GAS6: variants seen among roughly 807,000 people sequenced by gnomAD.
The protein encoded by GAS6 is growth arrest-specific protein 6.
GAS6 carries 41 observed loss-of-function variants against 75.8 expected under a neutral mutation model. That is an observed-to-expected ratio of 0.54 (90% CI 0.42 to 0.70). The LOEUF is 0.70. Ranked by LOEUF, GAS6 falls within the 30% of genes least tolerant of loss-of-function variation. The pLI is 0.00. For synonymous variants in GAS6, 432 were observed against 412.6 expected, an observed-to-expected ratio of 1.05 and a Z score of -0.57; for missense variants, 854 against 940.2, an observed-to-expected ratio of 0.91 and a Z score of 1.20.
chr13:113,822,315 G>T (rs1180140979), intron 13 of GAS6, 129 bp from the exon 14 acceptor site: 18 of 682,086 alleles, frequency 2.6e-5, no homozygotes, highest in Non-Finnish European at 3.7e-5. Context: ...GTTCCCTGCA[G>T]CCCTGGGTCT....
chr13:113,832,363 C>A lies in GAS6; in HGVS notation c.1079G>T (p.Arg360Leu). 3.7e-6 allele frequency: 6 copies of A among 1,608,804 alleles called. No homozygotes were observed. Among genetic ancestry groups the A allele is most frequent in the African/African-American group, 1.3e-5 (1 of 75,058 alleles). The change falls in exon 10 of 15, where the codon CGC becomes CTC. Residue 360 changes from arginine to leucine, a missense_variant. Arg to Leu is a moderately radical substitution (Grantham distance 102). Transcript: ENST00000327773. ...GGTGACACGGCCGACACCGTTGTAG[C>A]GCAGCTGCAGCTCCAGCCGGCCGGC... ...LRAGRLELQL[R>L]YNGVGRVTSS...
intron 11 of GAS6, 122 bp from the exon 12 acceptor site, chr13:113,827,286 A>G: frequency 1.1e-6 from 1 of 936,636 alleles, no homozygotes; most frequent in Non-Finnish European, 1.6e-6. Flanking sequence ...GAAACGGGCC[A>G]GTCCCATCGG....
At chr13:113,828,042 G>A (rs1396887256) in intron 11 of GAS6, among the ~76,000 whole-genome samples, 3 of 152,188 alleles carry the variant, frequency 2.0e-5, no homozygotes, top group Non-Finnish European at 4.4e-5. Flanking sequence ...TTGGGAGGCC[G>A]AGGTGGGCAG....
In GAS6 at chr13:113,832,628, C is replaced by A; in HGVS notation, c.953+6G>T. ...GTTGTGTTGCCTCCTGTGGACACCT[C>A]CTCACCTGGTGGGCTGCAGCCTCTT... On this transcript the variant is annotated splice_donor_region_variant and intron_variant, in intron 9 of 14. Coordinates refer to ENST00000327773, the MANE Select transcript of GAS6 (RefSeq NM_000820.4). 1 of 1,612,732 alleles carries A rather than the reference C, an allele frequency of 6.2e-7. No homozygotes were observed. The highest frequency in any genetic ancestry group is 8.5e-7 in the Non-Finnish European group (1 of 1,179,952).
At position 113,828,160 on chromosome 13, in the gene GAS6, AG is replaced by A. The variant is rs1462509280; in HGVS notation, c.1308+386del. On this transcript the variant is annotated intron_variant, in intron 11 of 14. Transcript: ENST00000327773. ...GCGCCTGTAGTCCCAGCTGCCTGGG[AG>A]GCTGAGGCAGGAGAATGGCGTGAAC... Among the ~76,000 whole-genome samples, 4 of 152,210 alleles carry A rather than the reference AG, an allele frequency of 2.6e-5. No homozygotes were observed. The East Asian group carries it at 7.8e-4, about 30-fold the overall frequency.
rs950179601 is a variant in GAS6 at position 113,863,369 on chromosome 13, C to T, written c.255+206G>A. Among the ~76,000 whole-genome samples the T allele has an allele frequency of 6.6e-6, 1 of 152,158 alleles. No homozygotes were observed. Among genetic ancestry groups the T allele is most frequent in the Non-Finnish European group, 1.5e-5 (1 of 68,008 alleles). On this transcript the variant is annotated intron_variant, in intron 2 of 14. Coordinates refer to ENST00000327773, the MANE Select transcript of GAS6 (RefSeq NM_000820.4). This position sits in a 1 kb window ranked among gnomAD's most constrained non-coding sequence, Gnocchi z 9.4. Reference sequence around the variant, plus strand: ...GACAGCGAGCGTTTCCCGGACAGCCCCGCAGCGTCTCACCGGCCTGCGCGG... The same window carrying T: ...GACAGCGAGCGTTTCCCGGACAGCCTCGCAGCGTCTCACCGGCCTGCGCGG...
intron 2 of GAS6, among the ~76,000 whole-genome samples, chr13:113,853,617 G>A (rs1002480908): frequency 1.3e-5 from 2 of 152,214 alleles, no homozygotes; most frequent in African/African-American, 4.8e-5. Flanking sequence ...GCTGAGCACA[G>A]GGACTCTGTT....
chr13:113,824,926 T>C (rs114405639), intron 12 of GAS6, among the ~76,000 whole-genome samples: 1,683 of 152,248 alleles, frequency 0.011, 25 homozygotes, highest in African/African-American at 0.039. Context: ...TTCTTTAAAA[T>C]GGAAGCTCCC....
At position 113,835,607 on chromosome 13, in the gene GAS6, G is replaced by A; in HGVS notation, c.618C>T (p.Ala206=). Residue 206 remains alanine (A), a synonymous_variant, in exon 7 of 15, where the codon GCC becomes GCT. Transcript: ENST00000327773. The part of the protein sequence containing the change: ...QDIDECADSE[A]CGEARCKNLP... ...GGTTCTTGCAGCGCGCCTCCCCGCA[G>A]GCCTCCGAGTCTGCGCACTCGTCTA... 1.2e-6 allele frequency: 2 copies of A among 1,612,336 alleles called. No individual in the cohort carries two copies. Among genetic ancestry groups the A allele is most frequent in the Non-Finnish European group, 1.7e-6 (2 of 1,179,864 alleles).
chr13:113,828,060 G>A (rs1214589942), intron 11 of GAS6, among the ~76,000 whole-genome samples: 1 of 152,180 alleles, frequency 6.6e-6, no homozygotes, highest in East Asian at 1.9e-4. Flanking sequence ...CAGTTCACGA[G>A]GTCAGAAGAT....
chr13:113,822,091 G>A lies in GAS6; in HGVS notation c.1749C>T (p.Asp583=), dbSNP rs372042104. The A allele has an allele frequency of 5.0e-6, 8 of 1,597,836 alleles. No individual in the cohort carries two copies. Among genetic ancestry groups the A allele is most frequent in the Non-Finnish European group, 5.1e-6 (6 of 1,174,216 alleles). The part of the protein sequence containing the change: ...QEHVVTVSLR[D]GEATLEVDGT... ...CGTCCACCTCCAGGGTGGCCTCACC[G>A]TCCCTCAGCGAGACGGTGACCACGT... is the stretch of plus-strand genomic sequence containing the variant. Residue 583 remains aspartate, a synonymous_variant, in exon 14 of 15, where the codon GAC becomes GAT. Transcript: ENST00000327773.
rs1014111224 is a variant in GAS6 at position 113,837,671 on chromosome 13, A to G, written c.589+398T>C. 1.3e-5 allele frequency among the ~76,000 whole-genome samples: 2 copies of G among 152,072 alleles called. No homozygotes were observed. Among genetic ancestry groups the G allele is most frequent in the African/African-American group, 4.8e-5 (2 of 41,408 alleles). ...TTTAGTGGACAGAGGGAGACCAACA[A>G]CGGGGTGCTTCTGGGGATGCTGGGG... On this transcript the variant is annotated intron_variant, in intron 6 of 14. Transcript: ENST00000327773. This position sits in a 1 kb window ranked among gnomAD's most constrained non-coding sequence, Gnocchi z 5.1.
At chr13:113,854,397 T>C (rs891266181) in intron 2 of GAS6, among the ~76,000 whole-genome samples, 1 of 152,114 alleles carries the variant, frequency 6.6e-6, no homozygotes, top group Non-Finnish European at 1.5e-5. Flanking sequence ...TGCACGGCGG[T>C]AACGCCGAGA....
chr13:113,821,072 C>A lies in GAS6; in HGVS notation c.1883-54G>T, dbSNP rs2051450659. The A allele has an allele frequency of 5.1e-6, 8 of 1,579,858 alleles. 1 individual carries two copies. In the South Asian group the frequency reaches 6.7e-5, roughly 13 times the overall value. ...TTAGCTCACCACGTGGCCGGCCCCG[C>A]CTGGCCCCCCCACCCCCGGCAGCGC... On this transcript the variant is annotated intron_variant, in intron 14 of 14. Transcript: ENST00000327773.
At position 113,835,163 on chromosome 13, in the gene GAS6, C is replaced by G. The variant is rs112046888; in HGVS notation, c.712+350G>C. Among the ~76,000 whole-genome samples, 21 of 152,382 alleles carry G rather than the reference C, an allele frequency of 1.4e-4. 1 individual carries two copies. Among genetic ancestry groups the G allele is most frequent in the African/African-American group, 4.8e-4 (20 of 41,594 alleles). Reference sequence around the variant, plus strand: ...GGCTCTACGGCCAACAGGGCCCTCCCCATGGCGGCTGGAAAGAGAGAACAG... The same window carrying G: ...GGCTCTACGGCCAACAGGGCCCTCCGCATGGCGGCTGGAAAGAGAGAACAG... On this transcript the variant is annotated intron_variant, in intron 7 of 14. Transcript: ENST00000327773.
chr13:113,855,460 G>A (rs2051907004), intron 2 of GAS6, among the ~76,000 whole-genome samples: 1 of 152,170 alleles, frequency 6.6e-6, no homozygotes, highest in Admixed American at 6.5e-5. Flanking sequence ...GTGTGTTCCC[G>A]GCTTACAAAT....
chr13:113,849,531 C>T (rs998709487), intron 2 of GAS6, among the ~76,000 whole-genome samples: 2 of 152,150 alleles, frequency 1.3e-5, no homozygotes, highest in Non-Finnish European at 1.5e-5. Flanking sequence ...AAAAGGTGTC[C>T]TTTCAGGTTT....
At position 113,863,717 on chromosome 13, in the gene GAS6, G is replaced by T; in HGVS notation, c.113C>A (p.Ala38Asp). 6.7e-7 allele frequency: 1 copy of T among 1,502,028 alleles called. No individual in the cohort carries two copies. Among genetic ancestry groups the T allele is most frequent in the South Asian group, 1.2e-5 (1 of 80,268 alleles). 93.0% of individuals were successfully genotyped at this position (1,502,028 alleles called of 1,614,324 possible). A position where few individuals can be genotyped will look rare whatever the true frequency, so the allele number is the denominator to read the frequency against. The change falls in exon 2 of 15, where the codon GCC becomes GAC. Residue 38 changes from alanine to aspartate, a missense_variant. By Grantham distance (126) the Ala-to-Asp change is moderately radical. Coordinates refer to ENST00000327773, the MANE Select transcript of GAS6 (RefSeq NM_000820.4). The surrounding 1 kb of genome is among the most constrained non-coding windows in gnomAD (Gnocchi z 9.4). Reference protein sequence around the residue: ...ALAALLPAREATQFLRPRQRR... With the variant: ...ALAALLPAREDTQFLRPRQRR... Reference sequence around the variant, plus strand: ...CTGCCTGGGCCGCAGGAACTGCGTGGCCTCGCGCGCCGGCAACAGCGCGGC... The same window carrying T: ...CTGCCTGGGCCGCAGGAACTGCGTGTCCTCGCGCGCCGGCAACAGCGCGGC...
In GAS6 at chr13:113,820,847, C is replaced by G; in HGVS notation, c.*17G>C. 6.2e-7 allele frequency: 1 copy of G among 1,605,378 alleles called. No individual in the cohort carries two copies. Among genetic ancestry groups the G allele is most frequent in the South Asian group, 1.1e-5 (1 of 90,850 alleles). The stretch of plus-strand genomic sequence containing the variant: ...TCTCGGACAGAGACTGAGAAGCCTG[C>G]CGCGTCCCGTGGGGGCCTAGGCTGC... On this transcript the variant is annotated 3_prime_UTR_variant, in exon 15 of 15. Transcript: ENST00000327773.
Sources: allele counts gnomAD v4.1 joint callset (sites outside exome capture counted in the v4.1 genomes callset), GRCh38; gene constraint gnomAD v4.1.1; non-coding constraint Gnocchi (gnomAD v3.1); transcripts MANE v1.5; gene names NCBI Gene and HGNC (gene_info 2026-07-23, HGNC 2026-07-21).